Variants in CEP63 observed in about 807,000 individuals in gnomAD.
CEP63 encodes the protein centrosomal protein of 63 kDa.
In CEP63, 84 loss-of-function variants were observed where a neutral mutation model predicts 89.1. The observed-to-expected ratio is 0.94, with a 90% CI of 0.79 to 1.13. The LOEUF is 1.13. Ranked by LOEUF, CEP63 falls within the 50% of genes most tolerant of loss-of-function variation. CEP63 has a pLI of 0.00. For synonymous variants in CEP63, 267 were observed against 272.5 expected, an observed-to-expected ratio of 0.98 and a Z score of 0.20; for missense variants, 838 against 813.3, an observed-to-expected ratio of 1.03 and a Z score of -0.37.
At chr3:134,719,052 T>C in the CEP63 span, among the ~76,000 whole-genome samples, 1 of 152,230 alleles carries the variant, frequency 6.6e-6, no homozygotes, top group Admixed American at 6.5e-5. Flanking sequence ...GCTTTCTTCA[T>C]TCACTAACTG....
the CEP63 span, among the ~76,000 whole-genome samples, chr3:134,737,554 C>A: frequency 5.3e-5 from 8 of 152,326 alleles, no homozygotes; most frequent in African/African-American, 1.9e-4. Flanking sequence ...TACCAGTGGT[C>A]AAATCATTCA....
At chr3:134,574,227 G>A (rs1411417893) in intron 11 of CEP63, among the ~76,000 whole-genome samples, 1 of 152,186 alleles carries the variant, frequency 6.6e-6, no homozygotes, top group Non-Finnish European at 1.5e-5. Context: ...AGCTCCTTAG[G>A]ACTGGGGTGA....
chr3:134,596,716 G>A, the CEP63 span, among the ~76,000 whole-genome samples: 1 of 152,168 alleles, frequency 6.6e-6, no homozygotes, highest in Admixed American at 6.5e-5. Flanking sequence ...ACTGTGTGCC[G>A]AGGAGCAGAA....
downstream of CEP63, among the ~76,000 whole-genome samples, chr3:134,569,565 G>A (rs1461993732): frequency 6.6e-6 from 1 of 152,184 alleles, no homozygotes; most frequent in African/African-American, 2.4e-5. Context: ...GCTTCCCATG[G>A]TCTTGCACAG....
the CEP63 span, among the ~76,000 whole-genome samples, chr3:134,675,339 A>T: frequency 6.6e-6 from 1 of 152,244 alleles, no homozygotes; most frequent in African/African-American, 2.4e-5. Flanking sequence ...ATGGAAAAAA[A>T]ATGAAGTTGA....
chr3:134,765,271 T>C, the CEP63 span, among the ~76,000 whole-genome samples: 3 of 152,248 alleles, frequency 2.0e-5, no homozygotes, highest in Non-Finnish European at 2.9e-5. Context: ...TGTTCATTCA[T>C]TCATTTGGTA....
chr3:134,573,384 A>C (rs1050718309), intron 11 of CEP63, among the ~76,000 whole-genome samples: 9 of 152,120 alleles, frequency 5.9e-5, no homozygotes, highest in Non-Finnish European at 8.8e-5. Flanking sequence ...ATAATCTGAA[A>C]TTTTACATTT....
chr3:134,526,757 C>G (rs1948729941), intron 3 of CEP63, among the ~76,000 whole-genome samples: 1 of 151,826 alleles, frequency 6.6e-6, no homozygotes, highest in Non-Finnish European at 1.5e-5. Context: ...TTTGAAGTTG[C>G]TGACCCTTGG....
chr3:134,531,914 C>T lies in CEP63; in HGVS notation c.292C>T (p.Gln98Ter). Residue 98 changes from glutamine (Q) to a stop codon, truncating the protein, a stop_gained, in exon 4 of 15, where the codon CAG becomes TAG. Coordinates refer to ENST00000675561, the MANE Select transcript of CEP63 (RefSeq NM_001353108.3). LOFTEE classifies it high-confidence loss of function. ...IKQEMTMEYK[Q>*]ELKKLHEELC... ...GCAAGAGATGACCATGGAATATAAG[C>T]AGGAGTTGAAGAAACTACATGAAGA... The T allele has an allele frequency of 6.2e-7, 1 of 1,612,754 alleles. No individual in the cohort carries two copies. The highest frequency in any genetic ancestry group is 8.5e-7 in the Non-Finnish European group (1 of 1,179,010).
Position 134,545,649 on chromosome 3 carries a change from C to T in CEP63, c.619C>T (p.Gln207Ter). The T allele has an allele frequency of 6.2e-7, 1 of 1,614,048 alleles. No homozygotes were observed. The highest frequency in any genetic ancestry group is 8.5e-7 in the Non-Finnish European group (1 of 1,180,028). ...GGAACTTTCTAGCCAATCAGAAATT[C>T]AACACTTAAGCAGTAAACTGGAGCG... The part of the protein sequence containing the change: ...SVELSSQSEI[Q>*]HLSSKLERAN... The change falls in exon 7 of 15, where the codon CAA (glutamine) becomes TAA (stop). Residue 207 changes from glutamine (Q) to a stop codon, truncating the protein, a stop_gained. Coordinates refer to ENST00000675561, the MANE Select transcript of CEP63 (RefSeq NM_001353108.3). LOFTEE classifies it high-confidence loss of function.
At chr3:134,759,856 T>G in the CEP63 span, among the ~76,000 whole-genome samples, 3 of 152,218 alleles carry the variant, frequency 2.0e-5, no homozygotes, top group Non-Finnish European at 4.4e-5. Context: ...GCACATACTT[T>G]TAAGTCTTCA....
the CEP63 span, among the ~76,000 whole-genome samples, chr3:134,614,325 T>A: frequency 6.6e-6 from 1 of 152,156 alleles, no homozygotes; most frequent in Non-Finnish European, 1.5e-5. Flanking sequence ...TCTTCGCTTC[T>A]ACTTTACAGA....
the CEP63 span, among the ~76,000 whole-genome samples, chr3:134,685,596 C>T: frequency 2.6e-3 from 395 of 152,238 alleles, 3 homozygotes; most frequent in African/African-American, 8.9e-3. Flanking sequence ...GACAGAAGAG[C>T]TTGGGCAATA....
chr3:134,551,888 C>A, intron 11 of CEP63, 38 bp from the exon 12 acceptor site: 1 of 1,407,484 alleles, frequency 7.1e-7, no homozygotes, highest in South Asian at 1.2e-5. Context: ...ATGTGATTTA[C>A]ATGTTATATT....
At chr3:134,663,387 G>GGCAGATCA in the CEP63 span, among the ~76,000 whole-genome samples, 10 of 152,324 alleles carry the variant, frequency 6.6e-5, no homozygotes, top group African/African-American at 2.4e-4. Context: ...GTTGGGGTGA[G>GGCAGATCA]GCAGATCAGC....
At chr3:134,610,394 G>C in the CEP63 span, 1 of 1,605,350 alleles carries the variant, frequency 6.2e-7, no homozygotes, top group South Asian at 1.1e-5. Flanking sequence ...CTGGGGGCAG[G>C]ACAGGGGGTC....
chr3:134,745,721 C>T, the CEP63 span, among the ~76,000 whole-genome samples: 1 of 150,918 alleles, frequency 6.6e-6, no homozygotes, highest in South Asian at 2.1e-4. Flanking sequence ...GTGTTATGTT[C>T]CCCGCCCTGT....
chr3:134,771,054 T>A, the CEP63 span, among the ~76,000 whole-genome samples: 1 of 152,198 alleles, frequency 6.6e-6, no homozygotes, highest in Non-Finnish European at 1.5e-5. Flanking sequence ...TTGAACGAAG[T>A]CAAGGAGGGT....
At chr3:134,606,993 C>T in the CEP63 span, 2 of 983,638 alleles carry the variant, frequency 2.0e-6, no homozygotes, top group Non-Finnish European at 2.4e-6. Flanking sequence ...ATACTCTGTA[C>T]ATAAGTATCA....
Sources: allele counts gnomAD v4.1 joint callset (sites outside exome capture counted in the v4.1 genomes callset), GRCh38; gene constraint gnomAD v4.1.1; transcripts MANE v1.5; gene names NCBI Gene and HGNC (gene_info 2026-07-23, HGNC 2026-07-21).